The following ATG9B variants were observed in gnomAD, a reference collection of about 807,000 sequenced individuals.
The protein encoded by ATG9B is autophagy-related protein 9B.
ATG9B carries 92 observed loss-of-function variants against 92.9 expected under a neutral mutation model. The ratio of observed to expected loss-of-function variants is 0.99; its 90% CI spans 0.84 to 1.18. ATG9B has a LOEUF of 1.18. Among genes scored for constraint, ATG9B ranks in the 50% most tolerant of loss-of-function variants. The pLI is 0.00. For missense variants in ATG9B, 1,344 were observed against 1,235.0 expected, an observed-to-expected ratio of 1.09 and a Z score of -1.32; for synonymous variants, 599 against 551.4, an observed-to-expected ratio of 1.09 and a Z score of -1.21.
chr7:151,021,474 G>A, intron 4 of ATG9B, 145 bp from the exon 5 acceptor site: 2 of 1,150,096 alleles, frequency 1.7e-6, no homozygotes, highest in South Asian at 3.4e-5. Context: ...GGGGCAGGGG[G>A]TGGGTGCTGA....
In ATG9B at chr7:151,023,354, G is replaced by A. The variant is rs1563265752; in HGVS notation, c.659+91C>T. On this transcript the variant is annotated intron_variant, in intron 3 of 13. Transcript: ENST00000639579. ...TGGGCTGCTCGGGAAAGCATGGGAT[G>A]GAAGCAGCTGGCACAATTAAGGAAG... 4.4e-6 allele frequency: 7 copies of A among 1,596,838 alleles called. No homozygotes were observed. In the East Asian group the frequency reaches 1.3e-4, roughly 31 times the overall value.
downstream of ATG9B, chr7:151,013,819 T>C (rs3918211): frequency 9.3e-3 from 14,989 of 1,609,760 alleles, 938 homozygotes; most frequent in African/African-American, 0.15. Context: ...GCGGCGATGT[T>C]ACCATGGCAA....
At chr7:151,022,191 C>T (rs1221509781) in intron 4 of ATG9B, among the ~76,000 whole-genome samples, 1 of 148,588 alleles carries the variant, frequency 6.7e-6, no homozygotes, top group African/African-American at 2.5e-5. Context: ...AATGAATCGT[C>T]TGCTGGGAGG....
downstream of ATG9B, chr7:151,012,621 G>C (rs1795330871): frequency 3.2e-6 from 3 of 930,488 alleles, no homozygotes; most frequent in South Asian, 3.6e-5. Flanking sequence ...GGGGAGGGCA[G>C]GTACCAAAGG....
chr7:151,015,865 C>T lies in ATG9B; in HGVS notation c.*14+17G>A. The T allele has an allele frequency of 6.5e-7, 1 of 1,542,350 alleles. No individual in the cohort carries two copies. The highest frequency in any genetic ancestry group is 1.4e-5 in the African/African-American group (1 of 72,746). ...ATGCCGTCCTTTCTCCCTCCCCTCA[C>T]AGGAGGCAATACTGACCCTGAGGAG... On this transcript the variant is annotated intron_variant, in intron 13 of 13. Transcript: ENST00000639579.
At chr7:151,014,101 G>T (rs149818096), downstream of ATG9B, 1 of 1,613,726 alleles carries the variant, frequency 6.2e-7, no homozygotes, top group Admixed American at 1.7e-5. Context: ...TTCCTTGCAG[G>T]AGCGTCAGTT....
intron 8 of ATG9B, 126 bp downstream of exon 8, chr7:151,017,745 G>T: frequency 8.4e-7 from 1 of 1,192,554 alleles, no homozygotes; most frequent in Non-Finnish European, 1.1e-6. Context: ...GCACAGGAAG[G>T]GAAGTGACCC....
chr7:151,020,158 C>G (rs1414382357), intron 5 of ATG9B: 1 of 152,694 alleles, frequency 6.5e-6, no homozygotes, highest in African/African-American at 2.4e-5. Context: ...AGGCCATCTT[C>G]GGCTCTGTCA....
rs1217330798 is a variant in ATG9B, at chr7:151,016,039, A to G, written c.2648-16T>C. The G allele has an allele frequency of 1.9e-6, 3 of 1,551,010 alleles. No homozygotes were observed. The highest frequency in any genetic ancestry group is 2.7e-5 in the African/African-American group (2 of 73,024). Reference sequence around the variant, plus strand: ...GGACTGGAGCCTGGTGAAAAAGGCCATCAGCTGGGCAGTTCCATGATGCCC... The same window carrying G: ...GGACTGGAGCCTGGTGAAAAAGGCCGTCAGCTGGGCAGTTCCATGATGCCC... On this transcript the variant is annotated splice_polypyrimidine_tract_variant and intron_variant, in intron 12 of 13. Coordinates refer to ENST00000639579, the MANE Select transcript of ATG9B (RefSeq NM_001317056.2).
chr7:151,019,453 G>A (rs1795668677), intron 5 of ATG9B, 79 bp from the exon 6 acceptor site: 3 of 1,458,064 alleles, frequency 2.1e-6, no homozygotes, highest in Non-Finnish European at 2.7e-6. Flanking sequence ...CCCTAAGTGT[G>A]CGGCCTGAAA....
intron 8 of ATG9B, 87 bp from the exon 9 acceptor site, chr7:151,017,359 G>T: frequency 7.6e-7 from 1 of 1,323,302 alleles, no homozygotes; most frequent in Non-Finnish European, 1.0e-6. Context: ...CATCTTCCAC[G>T]TGAAGGAAAC....
downstream of ATG9B, chr7:151,013,698 C>T (rs1795364723): frequency 3.2e-6 from 4 of 1,263,356 alleles, no homozygotes; most frequent in Admixed American, 2.0e-5. Flanking sequence ...CCCACCAGGG[C>T]CCGCCCTAAC....
intron 4 of ATG9B, 148 bp from the exon 5 acceptor site, chr7:151,021,477 G>A (rs1207349977): frequency 1.8e-6 from 2 of 1,104,328 alleles, no homozygotes; most frequent in Non-Finnish European, 2.5e-6. Context: ...GCAGGGGGTG[G>A]GTGCTGAAGT....
chr7:151,019,253 A>G lies in ATG9B; in HGVS notation c.1085T>C (p.Leu362Pro). The G allele has an allele frequency of 6.4e-7, 1 of 1,571,084 alleles. No individual in the cohort carries two copies. The highest frequency in any genetic ancestry group is 1.1e-5 in the South Asian group (1 of 87,508). ...LTELDIHHRI[L>P]RYTNYQVALA... is the part of the protein sequence containing the mutation. Reference sequence around the variant, plus strand: ...CGCCACCTGGTAGTTGGTGTAGCGCAGGATGCGGTGGTGGATGTCCAGCTC... The same window carrying G: ...CGCCACCTGGTAGTTGGTGTAGCGCGGGATGCGGTGGTGGATGTCCAGCTC... The change falls in exon 6 of 14, where the codon CTG becomes CCG. Residue 362 changes from leucine (L) to proline (P), a missense_variant. Physicochemically the swap from Leu to Pro is moderately conservative, Grantham distance 98. Coordinates refer to ENST00000639579, the MANE Select transcript of ATG9B (RefSeq NM_001317056.2).
At chr7:151,013,673 G>GCC, downstream of ATG9B, 14 of 1,437,214 alleles carry the variant, frequency 9.7e-6, no homozygotes, top group African/African-American at 1.4e-5. Flanking sequence ...CCCGGGCTGC[G>GCC]CCCCCGCGCC....
intron 4 of ATG9B, 54 bp downstream of exon 4, chr7:151,022,991 C>G (rs1027381123): frequency 6.2e-7 from 1 of 1,611,038 alleles, no homozygotes; most frequent in Non-Finnish European, 8.5e-7. Context: ...CCCGTCTACT[C>G]CTCTACCCAC....
At chr7:151,023,242 G>T in intron 3 of ATG9B, 36 bp from the exon 4 acceptor site, 1 of 1,613,624 alleles carries the variant, frequency 6.2e-7, no homozygotes. Context: ...GGATGCTGCA[G>T]TGATCAGGGA....
In ATG9B at chr7:151,024,274, G is replaced by T. The variant is rs1488167130; in HGVS notation, c.150C>A (p.Ile50=). ...TATGAGGGGCAGGGGACAGAGAGAAGATGGAGATCCTCCCTCCCCCAGGTC... is the reference window on the plus strand; with the variant it reads ...TATGAGGGGCAGGGGACAGAGAGAATATGGAGATCCTCCCTCCCCCAGGTC... The part of the protein sequence containing the change: ...CRGPGGGRIS[I]FSLSPAPHTR... The change falls in exon 1 of 14, where the codon ATC becomes ATA. Residue 50 remains isoleucine, a synonymous_variant. Coordinates refer to ENST00000639579, the MANE Select transcript of ATG9B (RefSeq NM_001317056.2). 5 of 1,443,822 alleles carry T rather than the reference G, an allele frequency of 3.5e-6. No individual in the cohort carries two copies. The highest frequency in any genetic ancestry group is 3.7e-6 in the Non-Finnish European group (4 of 1,095,332). 89.4% of individuals were successfully genotyped at this position (1,443,822 alleles called of 1,614,324 possible). A position where few individuals can be genotyped will look rare whatever the true frequency, so the allele number is the denominator to read the frequency against.
Position 151,018,240 on chromosome 7 carries a change from G to A in ATG9B, c.1872+54C>T, listed in dbSNP as rs977019805. ...GACCCTCCGCGCAGACAGACCCTCC[G>A]CGCAGACAGACCCCACAACTTCCTC... On this transcript the variant is annotated intron_variant, in intron 7 of 13. Coordinates refer to ENST00000639579, the MANE Select transcript of ATG9B (RefSeq NM_001317056.2). The surrounding 1 kb of genome is among the most constrained non-coding windows in gnomAD (Gnocchi z 4.7). 2.0e-6 allele frequency: 3 copies of A among 1,504,564 alleles called. No individual in the cohort carries two copies. Among genetic ancestry groups the A allele is most frequent in the Non-Finnish European group, 2.6e-6 (3 of 1,135,706 alleles). 93.2% of individuals were successfully genotyped at this position (1,504,564 alleles called of 1,614,324 possible).
Sources: gnomAD v4.1 joint callset for allele counts (sites outside exome capture counted in the v4.1 genomes callset) on GRCh38, gnomAD v4.1.1 for gene constraint, Gnocchi (gnomAD v3.1) non-coding constraint, MANE v1.5 for transcripts, NCBI Gene and HGNC (gene_info 2026-07-23, HGNC 2026-07-21) for gene names.